NDC1: variants seen among roughly 807,000 people sequenced by gnomAD.
NDC1 encodes the protein nucleoporin NDC1.
A neutral mutation model predicts 89.8 loss-of-function variants in NDC1; 24 were observed. The observed-to-expected ratio is 0.27, with a 90% CI of 0.19 to 0.38. The LOEUF (loss-of-function observed/expected upper bound fraction) is 0.38, where lower values mean the gene tolerates loss of function less well. NDC1 is among the 10% of genes least tolerant of loss of function. The probability of loss-of-function intolerance (pLI) is 1.00; values close to 1 mark genes in which losing one functional copy is unlikely to be tolerated. For synonymous variants in NDC1, 296 were observed against 284.8 expected, an observed-to-expected ratio of 1.04 and a Z score of -0.39; for missense variants, 728 against 797.6, an observed-to-expected ratio of 0.91 and a Z score of 1.05.
chr1:53,808,044 C>T (rs766997467), intron 7 of NDC1, among the ~76,000 whole-genome samples: 2 of 152,162 alleles, frequency 1.3e-5, no homozygotes, highest in Non-Finnish European at 2.9e-5. Context: ...ACTTTTACTA[C>T]GAAGGAGGAA....
At chr1:53,805,907 T>C (rs1368165451) in intron 9 of NDC1, among the ~76,000 whole-genome samples, 1 of 152,106 alleles carries the variant, frequency 6.6e-6, no homozygotes, top group African/African-American at 2.4e-5. Context: ...ACCCCGTCTC[T>C]ACTAAAAATA....
At chr1:53,837,707 G>A (rs1649282742) in intron 1 of NDC1, among the ~76,000 whole-genome samples, 1 of 152,148 alleles carries the variant, frequency 6.6e-6, no homozygotes, top group Non-Finnish European at 1.5e-5. Context: ...CCAGAGAAGC[G>A]ATGTAGTACT....
chr1:53,805,757 A>C (rs917529948), intron 9 of NDC1, among the ~76,000 whole-genome samples: 13 of 152,086 alleles, frequency 8.5e-5, no homozygotes, highest in Non-Finnish European at 1.5e-4. Flanking sequence ...AAGAGTAAAA[A>C]TGTTTTGATC....
chr1:53,835,035 A>C (rs1649184462), intron 2 of NDC1, among the ~76,000 whole-genome samples: 1 of 152,150 alleles, frequency 6.6e-6, no homozygotes, highest in Non-Finnish European at 1.5e-5. Context: ...GTGAGCCAAG[A>C]CTGAGCCACT....
rs1173712688 is a variant in NDC1, at chr1:53,767,310, T to G, written c.*660A>C. The G allele has an allele frequency of 6.6e-6, 1 of 152,202 alleles. No individual in the cohort carries two copies. Among genetic ancestry groups the G allele is most frequent in the East Asian group, 1.9e-4 (1 of 5,196 alleles). 9.4% of individuals were successfully genotyped at this position (152,202 alleles called of 1,614,324 possible). ...TCAATTGTTTCTTAAAGACCAAATG[T>G]GAATTTTTAATCTTGTAACTTAAGA... is the stretch of plus-strand genomic sequence containing the variant. On this transcript the variant is annotated 3_prime_UTR_variant, in exon 18 of 18. Transcript: ENST00000371429.
At chr1:53,775,047 G>T (rs989232561) in intron 16 of NDC1, among the ~76,000 whole-genome samples, 29 of 152,274 alleles carry the variant, frequency 1.9e-4, no homozygotes, top group African/African-American at 6.5e-4. Flanking sequence ...CAGCTATTAT[G>T]CATAAATCTG....
chr1:53,806,715 T>C (rs1166113094), intron 8 of NDC1, among the ~76,000 whole-genome samples, 198 bp from the exon 9 acceptor site: 1 of 152,082 alleles, frequency 6.6e-6, no homozygotes, highest in Non-Finnish European at 1.5e-5. Context: ...TTAGACTCTG[T>C]CTCTGAATAA....
At chr1:53,810,636 G>A (rs1296685002) in intron 6 of NDC1, among the ~76,000 whole-genome samples, 4 of 152,182 alleles carry the variant, frequency 2.6e-5, no homozygotes, top group African/African-American at 9.7e-5. Flanking sequence ...TGAGCGTGAT[G>A]GCTCATGCCT....
chr1:53,812,806 A>G (rs936409305), intron 6 of NDC1, among the ~76,000 whole-genome samples: 6 of 152,248 alleles, frequency 3.9e-5, no homozygotes, highest in Non-Finnish European at 8.8e-5. Flanking sequence ...CACTGTCATC[A>G]GGTTATCCAA....
At chr1:53,794,753 T>C (rs1045441572) in intron 13 of NDC1, among the ~76,000 whole-genome samples, 1 of 152,068 alleles carries the variant, frequency 6.6e-6, no homozygotes, top group Non-Finnish European at 1.5e-5. Flanking sequence ...CAGGCACCTG[T>C]AGTCCCAGCT....
intron 1 of NDC1, among the ~76,000 whole-genome samples, chr1:53,837,493 C>T (rs1649273422): frequency 6.6e-6 from 1 of 152,146 alleles, no homozygotes; most frequent in Non-Finnish European, 1.5e-5. Flanking sequence ...CTCCTTGAAC[C>T]CTGGAGGCGG....
At chr1:53,826,367 T>A (rs1426745327) in intron 4 of NDC1, among the ~76,000 whole-genome samples, 2 of 152,258 alleles carry the variant, frequency 1.3e-5, no homozygotes, top group Admixed American at 6.5e-5. Context: ...CTGGATTTTG[T>A]GGGGCACAAG....
intron 7 of NDC1, 103 bp downstream of exon 7, chr1:53,809,592 A>T (rs1005846350): frequency 3.0e-5 from 25 of 820,298 alleles, no homozygotes; most frequent in African/African-American, 7.0e-5. Flanking sequence ...TACAATTTTT[A>T]AAAAAATGTT....
At position 53,828,060 on chromosome 1, in the gene NDC1, C is replaced by T. The variant is rs1442523214; in HGVS notation, c.394G>A (p.Ala132Thr). The T allele has an allele frequency of 6.2e-7, 1 of 1,613,954 alleles. No homozygotes were observed. Among genetic ancestry groups the T allele is most frequent in the Non-Finnish European group, 8.5e-7 (1 of 1,179,990 alleles). The change falls in exon 4 of 18, where the codon GCT becomes ACT. Residue 132 changes from alanine to threonine, a missense_variant. Ala to Thr is a moderately conservative substitution (Grantham distance 58). Transcript: ENST00000371429. ...AAMGMVMAWC[A>T]AVITQGQYSF... ...TACTGGCCCTGGGTTATCACTGCAG[C>T]ACACCAGGCCATCACCATTCCCATT...
chr1:53,787,158 C>G lies in NDC1; in HGVS notation c.1800G>C (p.Glu600Asp). The change falls in exon 16 of 18, where the codon GAG becomes GAC. Residue 600 changes from glutamate (E) to aspartate (D), a missense_variant and splice_region_variant. Glu to Asp is a conservative substitution (Grantham distance 45, BLOSUM62 2). Coordinates refer to ENST00000371429, the MANE Select transcript of NDC1 (RefSeq NM_018087.5). ...CCCTCCCAACCCACAGATTTCTTACCTCTTGCAGTGTCAACAAAGTATTAA... is the reference window on the plus strand; with the variant it reads ...CCCTCCCAACCCACAGATTTCTTACGTCTTGCAGTGTCAACAAAGTATTAA... ...AILNTLLTLQ[E>D]AVDKYFKLPH... 2.5e-6 allele frequency: 4 copies of G among 1,580,912 alleles called. No homozygotes were observed. The highest frequency in any genetic ancestry group is 3.5e-6 in the Non-Finnish European group (4 of 1,155,558).
intron 9 of NDC1, 49 bp from the exon 10 acceptor site, chr1:53,804,058 A>T (rs745427011): frequency 7.4e-7 from 1 of 1,346,008 alleles, no homozygotes; most frequent in Non-Finnish European, 1.1e-6. Context: ...TAACCTCTAC[A>T]TAAAATCTCA....
intron 5 of NDC1, among the ~76,000 whole-genome samples, chr1:53,819,981 C>T (rs371458189): frequency 1.4e-3 from 209 of 152,046 alleles, no homozygotes; most frequent in African/African-American, 4.6e-3. Flanking sequence ...GGGCTGGGTG[C>T]GGTGGCTCAC....
intron 6 of NDC1, among the ~76,000 whole-genome samples, chr1:53,810,897 T>C (rs750694384): frequency 6.6e-6 from 1 of 152,170 alleles, no homozygotes; most frequent in Non-Finnish European, 1.5e-5. Context: ...ACAGACCCTC[T>C]GAAGGAAGCA....
chr1:53,807,844 T>C (rs1490808394), intron 7 of NDC1, 53 bp from the exon 8 acceptor site: 6 of 1,511,370 alleles, frequency 4.0e-6, no homozygotes, highest in Non-Finnish European at 5.4e-6. Flanking sequence ...AATCTAAATA[T>C]TAACACACTT....
Sources: gnomAD v4.1 joint callset for allele counts (sites outside exome capture counted in the v4.1 genomes callset) on GRCh38, gnomAD v4.1.1 for gene constraint, MANE v1.5 for transcripts, NCBI Gene and HGNC (gene_info 2026-07-23, HGNC 2026-07-21) for gene names.